CIMIP4: variants seen among roughly 807,000 people sequenced by gnomAD.
CIMIP4 encodes the protein protein EAN57.
chr22:37,002,805 G>A, the CIMIP4 span, among the ~76,000 whole-genome samples: 2 of 152,180 alleles, frequency 1.3e-5, no homozygotes, highest in African/African-American at 4.8e-5. Flanking sequence ...ACTGGAGTTG[G>A]ATGGGACTTC....
the CIMIP4 span, among the ~76,000 whole-genome samples, chr22:36,995,824 C>T: frequency 2.0e-5 from 3 of 152,176 alleles, no homozygotes; most frequent in African/African-American, 7.2e-5. Context: ...GTCTATTAAA[C>T]CTCTTTTTCT....
the CIMIP4 span, chr22:37,002,373 G>T: frequency 1.1e-6 from 1 of 909,586 alleles, no homozygotes; most frequent in Non-Finnish European, 1.5e-6. Context: ...AGTAGAGGGT[G>T]GGGAGGGGGC....
the CIMIP4 span, among the ~76,000 whole-genome samples, chr22:37,002,788 G>A: frequency 3.3e-5 from 5 of 152,208 alleles, no homozygotes; most frequent in Non-Finnish European, 5.9e-5. Flanking sequence ...CCACATGCCT[G>A]GGAAGTACTG....
At chr22:37,001,772 A>C in the CIMIP4 span, 6 of 1,425,812 alleles carry the variant, frequency 4.2e-6, no homozygotes, top group African/African-American at 7.2e-5. Flanking sequence ...TGTACTCAAG[A>C]GTGAGTTTAT....
the CIMIP4 span, among the ~76,000 whole-genome samples, chr22:36,993,944 C>T: frequency 1.3e-5 from 2 of 152,172 alleles, no homozygotes; most frequent in South Asian, 2.1e-4. Flanking sequence ...AGAGGATAAA[C>T]ATGGAAGAAC....
At chr22:36,996,513 A>G in the CIMIP4 span, among the ~76,000 whole-genome samples, 1 of 152,126 alleles carries the variant, frequency 6.6e-6, no homozygotes, top group Non-Finnish European at 1.5e-5. Context: ...AAATCACAAA[A>G]TGTTACTGAG....
At chr22:36,997,998 A>G in the CIMIP4 span, among the ~76,000 whole-genome samples, 7 of 152,224 alleles carry the variant, frequency 4.6e-5, no homozygotes, top group Non-Finnish European at 1.0e-4. Context: ...TAGCATGGCC[A>G]ATTTTAAGAC....
the CIMIP4 span, chr22:36,999,894 C>A: frequency 1.2e-6 from 2 of 1,613,864 alleles, no homozygotes; most frequent in Admixed American, 1.7e-5. Flanking sequence ...TCTGAGAAGA[C>A]GGAGGAGATT....
the CIMIP4 span, among the ~76,000 whole-genome samples, chr22:36,998,979 G>A: frequency 6.6e-5 from 10 of 152,272 alleles, no homozygotes; most frequent in South Asian, 2.1e-3. Context: ...GAAGGCAGCG[G>A]AGGCTTGCAG....
chr22:37,001,546 C>T, the CIMIP4 span, among the ~76,000 whole-genome samples: 2 of 152,264 alleles, frequency 1.3e-5, no homozygotes, highest in East Asian at 3.9e-4. Context: ...TTTGCACCCT[C>T]GTCTCGCACA....
chr22:36,991,508 A>G, the CIMIP4 span: 4 of 1,614,108 alleles, frequency 2.5e-6, no homozygotes, highest in Non-Finnish European at 2.5e-6. Flanking sequence ...CTGCCATGCC[A>G]GTGTTCTAAG....
chr22:37,002,408 C>T, the CIMIP4 span: 7 of 652,634 alleles, frequency 1.1e-5, no homozygotes, highest in South Asian at 4.7e-5. Flanking sequence ...GGAGGGGAAA[C>T]GGACAGACAA....
the CIMIP4 span, among the ~76,000 whole-genome samples, chr22:36,998,207 C>T: frequency 6.6e-6 from 1 of 152,058 alleles, no homozygotes; most frequent in Non-Finnish European, 1.5e-5. Context: ...ATTTGGTGAC[C>T]GATAGTTGTT....
At chr22:37,002,183 G>A in the CIMIP4 span, 1 of 1,492,854 alleles carries the variant, frequency 6.7e-7, no homozygotes, top group African/African-American at 1.4e-5. Flanking sequence ...GGGCTGTGGG[G>A]ATGACAGACC....
chr22:36,992,418 C>T, the CIMIP4 span, among the ~76,000 whole-genome samples: 23 of 152,050 alleles, frequency 1.5e-4, no homozygotes, highest in Non-Finnish European at 2.5e-4. Flanking sequence ...AAAATATAAG[C>T]AAAGAGTAAG....
At chr22:36,999,940 T>C in the CIMIP4 span, 1 of 1,613,874 alleles carries the variant, frequency 6.2e-7, no homozygotes, top group South Asian at 1.1e-5. Flanking sequence ...GCCATGAGCT[T>C]GCCCTTTTCT....
the CIMIP4 span, chr22:37,002,061 G>A: frequency 5.9e-5 from 95 of 1,607,626 alleles, no homozygotes; most frequent in Admixed American, 9.6e-4. Flanking sequence ...GACCTGGACT[G>A]TGGGTCCATG....
chr22:36,999,701 T>C, the CIMIP4 span: 1 of 1,106,938 alleles, frequency 9.0e-7, no homozygotes, highest in African/African-American at 1.6e-5. Flanking sequence ...AGAGGACACA[T>C]GGGCATGAAA....
the CIMIP4 span, among the ~76,000 whole-genome samples, chr22:36,996,138 A>G: frequency 1.0e-5 from 1 of 97,070 alleles, no homozygotes; most frequent in Non-Finnish European, 2.3e-5. Flanking sequence ...TTTTATCTGG[A>G]AAAAAAAATG....
Sources: allele counts gnomAD v4.1 joint callset (sites outside exome capture counted in the v4.1 genomes callset), GRCh38; gene constraint gnomAD v4.1.1; transcripts MANE v1.5; gene names NCBI Gene and HGNC (gene_info 2026-07-23, HGNC 2026-07-21).